Variants in TOP3A observed in about 807,000 individuals in gnomAD.
TOP3A encodes the protein DNA topoisomerase 3-alpha.
TOP3A carries 64 observed loss-of-function variants against 111.3 expected under a neutral mutation model. The observed-to-expected ratio is 0.57, with a 90% CI of 0.47 to 0.71. The LOEUF (loss-of-function observed/expected upper bound fraction) is 0.71, where lower values mean the gene tolerates loss of function less well. Ranked by LOEUF, TOP3A falls within the 30% of genes least tolerant of loss-of-function variation. The pLI is 0.00. For missense variants in TOP3A, 1,104 were observed against 1,285.0 expected, an observed-to-expected ratio of 0.86 and a Z score of 2.15; for synonymous variants, 484 against 485.1, an observed-to-expected ratio of 1.00 and a Z score of 0.03.
intron 1 of TOP3A, 140 bp downstream of exon 1, chr17:18,314,459 T>C (rs1368043042): frequency 3.3e-6 from 3 of 912,692 alleles, no homozygotes; most frequent in Non-Finnish European, 4.7e-6. Flanking sequence ...AGGAGGCCAC[T>C]GCAATAATCC....
intron 17 of TOP3A, 25 bp downstream of exon 17, chr17:18,280,511 C>A: frequency 6.2e-7 from 1 of 1,610,734 alleles, no homozygotes; most frequent in Non-Finnish European, 8.5e-7. Flanking sequence ...CCAGAGGAGG[C>A]ACCTGACTCA....
chr17:18,306,159 C>G (rs1981566725), intron 4 of TOP3A, among the ~76,000 whole-genome samples: 1 of 152,108 alleles, frequency 6.6e-6, no homozygotes, highest in Admixed American at 6.5e-5. Flanking sequence ...TGAGATTGCA[C>G]CATCATACTC....
At chr17:18,287,404 T>C (rs1980170560) in intron 13 of TOP3A, among the ~76,000 whole-genome samples, 1 of 152,080 alleles carries the variant, frequency 6.6e-6, no homozygotes. Context: ...TGCGCACCTG[T>C]AGTCCCAGCT....
At position 18,302,682 on chromosome 17, in the gene TOP3A, T is replaced by C; in HGVS notation, c.541A>G (p.Ile181Val). The change falls in exon 6 of 19, where the codon ATC becomes GTC. Residue 181 changes from isoleucine (I) to valine (V), a missense_variant. Coordinates refer to ENST00000321105, the MANE Select transcript of TOP3A (RefSeq NM_004618.5). The part of the protein sequence containing the change: ...LQVLRARFSE[I>V]TPHAVRTACE... Reference sequence around the variant, plus strand: ...GCTGTCCTGACGGCATGGGGTGTGATCTCAGAGAATCGGGCTCGCAACACC... The same window carrying C: ...GCTGTCCTGACGGCATGGGGTGTGACCTCAGAGAATCGGGCTCGCAACACC... 6.2e-7 allele frequency: 1 copy of C among 1,614,080 alleles called. No homozygotes were observed. The highest frequency in any genetic ancestry group is 8.5e-7 in the Non-Finnish European group (1 of 1,179,986).
At position 18,308,331 on chromosome 17, in the gene TOP3A, C is replaced by A; in HGVS notation, c.314+20G>T. On this transcript the variant is annotated intron_variant, in intron 3 of 18. Transcript: ENST00000321105. ...AACTTACTATAATCTGAAAGTCCTTCCCTTGAGAATTGTACTGACCATTTT... is the reference window on the plus strand; with the variant it reads ...AACTTACTATAATCTGAAAGTCCTTACCTTGAGAATTGTACTGACCATTTT... The A allele has an allele frequency of 6.6e-7, 1 of 1,508,034 alleles. No homozygotes were observed. The highest frequency in any genetic ancestry group is 1.3e-5 in the South Asian group (1 of 77,298). The allele number at this position is 1,508,034 out of a possible 1,614,324, so 93.4% of individuals were successfully genotyped here.
In TOP3A at chr17:18,300,532, A is replaced by G. The variant is rs1323745457; in HGVS notation, c.916-899T>C. 2.6e-5 allele frequency among the ~76,000 whole-genome samples: 4 copies of G among 152,072 alleles called. No homozygotes were observed. In the East Asian group the frequency reaches 7.7e-4, roughly 29 times the overall value. On this transcript the variant is annotated intron_variant, in intron 8 of 18. Coordinates refer to ENST00000321105, the MANE Select transcript of TOP3A (RefSeq NM_004618.5). ...AAGGAGAAACAGGGCAGGTCTTTTT[A>G]TTACTTACTTTTATATTTTATTATT...
At chr17:18,285,607 C>A in intron 13 of TOP3A, 87 bp from the exon 14 acceptor site, 1 of 1,083,766 alleles carries the variant, frequency 9.2e-7, no homozygotes, top group Non-Finnish European at 1.4e-6. Context: ...ACCCCGGAAT[C>A]CCTCCTTTGC....
chr17:18,277,034 A>G (rs1258957926), intron 18 of TOP3A, among the ~76,000 whole-genome samples: 1 of 152,126 alleles, frequency 6.6e-6, no homozygotes, highest in Non-Finnish European at 1.5e-5. Flanking sequence ...AAAATACAAA[A>G]TTAGCTGTGC....
chr17:18,297,540 AGCCTGCGGACT>A (rs1980898697), intron 9 of TOP3A, among the ~76,000 whole-genome samples: 2 of 152,058 alleles, frequency 1.3e-5, no homozygotes, highest in Non-Finnish European at 2.9e-5. Context: ...CTCCTGCCTC[AGCCTGCGGACT>A]GCCTGCGATT....
intron 4 of TOP3A, among the ~76,000 whole-genome samples, chr17:18,305,443 C>T (rs1981498624): frequency 6.6e-6 from 1 of 151,588 alleles, no homozygotes; most frequent in South Asian, 2.1e-4. Context: ...AATATAACTT[C>T]CCCAATATGA....
rs1248044099 is a variant in TOP3A at position 18,277,675 on chromosome 17, C to G, written c.2827G>C (p.Gly943Arg). Residue 943 changes from glycine (G) to arginine (R), a missense_variant and splice_region_variant, in exon 18 of 19, where the codon GGG (glycine) becomes CGG (arginine). Coordinates refer to ENST00000321105, the MANE Select transcript of TOP3A (RefSeq NM_004618.5). ...ATTCCCATGCCCCTCCCTGCCTCACCTGGAGCGGTGTTCTCATCGACCCAC... is the reference window on the plus strand; with the variant it reads ...ATTCCCATGCCCCTCCCTGCCTCACGTGGAGCGGTGTTCTCATCGACCCAC... ...FQWVDENTAP[G>R]TSGAPSWTGD... 4 of 1,600,388 alleles carry G rather than the reference C, an allele frequency of 2.5e-6. No homozygotes were observed. Among genetic ancestry groups the G allele is most frequent in the Non-Finnish European group, 3.4e-6 (4 of 1,168,820 alleles).
At chr17:18,307,964 C>A (rs543452289) in intron 3 of TOP3A, among the ~76,000 whole-genome samples, 1 of 147,728 alleles carries the variant, frequency 6.8e-6, no homozygotes, top group South Asian at 2.2e-4. Flanking sequence ...GTAATCCCAG[C>A]ACTTCAGGAG....
chr17:18,314,476 G>C (rs1345276603), intron 1 of TOP3A, 123 bp downstream of exon 1: 1 of 1,122,446 alleles, frequency 8.9e-7, no homozygotes. Flanking sequence ...ATCCAGACGA[G>C]GGGCAGTGAG....
At chr17:18,293,532 C>G (rs1337533376) in intron 10 of TOP3A, among the ~76,000 whole-genome samples, 1 of 151,722 alleles carries the variant, frequency 6.6e-6, no homozygotes, top group East Asian at 1.9e-4. Context: ...AGTGATCCTC[C>G]TGCCTAGGCC....
chr17:18,298,134 A>C (rs1488043625), intron 9 of TOP3A, among the ~76,000 whole-genome samples: 8 of 123,416 alleles, frequency 6.5e-5, no homozygotes, highest in African/African-American at 1.3e-4. Flanking sequence ...AGGTGAGGAG[A>C]CCCTCTGCCT....
intron 13 of TOP3A, among the ~76,000 whole-genome samples, chr17:18,289,026 T>C (rs555443315): frequency 6.6e-6 from 1 of 152,286 alleles, no homozygotes; most frequent in South Asian, 2.1e-4. Context: ...AGAAATGTTT[T>C]TTTTGAGATG....
In TOP3A at chr17:18,275,061, G is replaced by A. The variant is rs543500273; in HGVS notation, c.2828-81C>T. ...GTCCTGAACACGGTGGCTCATGCCTGTAATCCCAGCACTTTAGGAAGCTGA... is the reference window on the plus strand; with the variant it reads ...GTCCTGAACACGGTGGCTCATGCCTATAATCCCAGCACTTTAGGAAGCTGA... On this transcript the variant is annotated intron_variant, in intron 18 of 18. Transcript: ENST00000321105. 8.6e-5 allele frequency: 131 copies of A among 1,530,164 alleles called. 3 individuals carry two copies. In the South Asian group the frequency reaches 1.4e-3, roughly 16 times the overall value. 94.8% of individuals were successfully genotyped at this position (1,530,164 alleles called of 1,614,324 possible).
intron 15 of TOP3A, 63 bp downstream of exon 15, chr17:18,285,079 A>G: frequency 9.5e-6 from 15 of 1,573,990 alleles, no homozygotes; most frequent in Admixed American, 1.7e-5. Context: ...TCTTGAGGCC[A>G]GGAGTTCAAG....
chr17:18,293,313 T>A (rs941338468), intron 10 of TOP3A, among the ~76,000 whole-genome samples: 1 of 152,240 alleles, frequency 6.6e-6, no homozygotes, highest in Non-Finnish European at 1.5e-5. Context: ...TTTGAGATAG[T>A]CTTGCTGTGG....
Sources: gnomAD v4.1 joint callset for allele counts (sites outside exome capture counted in the v4.1 genomes callset) on GRCh38, gnomAD v4.1.1 for gene constraint, MANE v1.5 for transcripts, NCBI Gene and HGNC (gene_info 2026-07-23, HGNC 2026-07-21) for gene names.